The following PPFIA2 variants were observed in gnomAD, a reference collection of about 807,000 sequenced individuals.
PPFIA2 encodes liprin-alpha-2.
PPFIA2 carries 46 observed loss-of-function variants against 175.5 expected under a neutral mutation model. The ratio of observed to expected loss-of-function variants is 0.26; its 90% CI spans 0.21 to 0.34. The LOEUF (loss-of-function observed/expected upper bound fraction) is 0.34, where lower values mean the gene tolerates loss of function less well. Ranked by LOEUF, PPFIA2 falls within the 10% of genes least tolerant of loss-of-function variation. The pLI, the probability that PPFIA2 is intolerant of heterozygous loss-of-function variation, is 1.00. For missense variants in PPFIA2, 1,179 were observed against 1,506.1 expected (o/e 0.78, Z 3.60); for synonymous variants, 568 against 511.4 (o/e 1.11, Z -1.49).
chr12:81,529,918 TGG>T (rs1567203927), intron 4 of PPFIA2, among the ~76,000 whole-genome samples: 1 of 151,686 alleles, frequency 6.6e-6, no homozygotes, highest in Non-Finnish European at 1.5e-5. Flanking sequence ...AAAAAAACCA[TGG>T]CACAAGTTTA....
intron 8 of PPFIA2, among the ~76,000 whole-genome samples, chr12:81,402,084 C>T (rs187196108): frequency 7.2e-5 from 11 of 152,224 alleles, no homozygotes; most frequent in Admixed American, 2.6e-4. Context: ...TCCACCGACA[C>T]AAAACATCTT....
intron 3 of PPFIA2, among the ~76,000 whole-genome samples, chr12:81,685,088 A>G (rs1408869533): frequency 2.6e-5 from 4 of 152,102 alleles, no homozygotes; most frequent in African/African-American, 9.7e-5. Flanking sequence ...ATTTTTATGT[A>G]ACATCTCATA....
At chr12:81,346,538 A>T (rs1463209520) in intron 18 of PPFIA2, among the ~76,000 whole-genome samples, 1 of 149,864 alleles carries the variant, frequency 6.7e-6, no homozygotes, top group Non-Finnish European at 1.5e-5. Flanking sequence ...TTATAATAAA[A>T]TTTTTTAGAA....
At chr12:81,324,322 A>G (rs1250334550) in intron 22 of PPFIA2, among the ~76,000 whole-genome samples, 2 of 152,054 alleles carry the variant, frequency 1.3e-5, no homozygotes, top group Non-Finnish European at 2.9e-5. Context: ...ATTTAAAAAG[A>G]TATTTCAGTT....
At chr12:81,412,242 A>C (rs2044098012) in intron 7 of PPFIA2, among the ~76,000 whole-genome samples, 1 of 150,856 alleles carries the variant, frequency 6.6e-6, no homozygotes, top group African/African-American at 2.4e-5. Flanking sequence ...TTCAACAAAT[A>C]TTCATTTGAT....
chr12:81,600,673 A>G (rs1471431960), intron 4 of PPFIA2, among the ~76,000 whole-genome samples: 2 of 151,974 alleles, frequency 1.3e-5, no homozygotes, highest in East Asian at 1.9e-4. Context: ...AGCTGTGGAA[A>G]TAAGTTATAT....
At chr12:81,501,663 T>A (rs1006294391) in intron 4 of PPFIA2, among the ~76,000 whole-genome samples, 1 of 152,236 alleles carries the variant, frequency 6.6e-6, no homozygotes, top group African/African-American at 2.4e-5. Flanking sequence ...TACCCAATAA[T>A]GCTAGCCAGC....
At chr12:81,711,569 T>C (rs1234144334) in intron 3 of PPFIA2, among the ~76,000 whole-genome samples, 1 of 151,452 alleles carries the variant, frequency 6.6e-6, no homozygotes, top group Admixed American at 6.7e-5. Flanking sequence ...TAATAACACC[T>C]GTATACCTGG....
chr12:81,704,157 G>T (rs2076826498), intron 3 of PPFIA2, among the ~76,000 whole-genome samples: 1 of 152,124 alleles, frequency 6.6e-6, no homozygotes, highest in South Asian at 2.1e-4. Context: ...ATGAACTCAA[G>T]AATGAAAGAG....
chr12:81,698,554 G>A (rs1304181255), intron 3 of PPFIA2, among the ~76,000 whole-genome samples: 1 of 152,106 alleles, frequency 6.6e-6, no homozygotes, highest in Admixed American at 6.6e-5. Flanking sequence ...GAACTTAAGA[G>A]AAGAATGGTT....
intron 27 of PPFIA2, 114 bp from the exon 28 acceptor site, chr12:81,277,528 A>C (rs886136262): frequency 9.3e-7 from 1 of 1,069,896 alleles, no homozygotes; most frequent in Non-Finnish European, 1.2e-6. Flanking sequence ...CAACAAGTTA[A>C]TAAATTACAT....
chr12:81,634,369 G>GA (rs759519636), intron 4 of PPFIA2, among the ~76,000 whole-genome samples: 17 of 151,796 alleles, frequency 1.1e-4, no homozygotes, highest in South Asian at 2.1e-4. Context: ...TTTGTGGAAT[G>GA]AAAAAAAATG....
chr12:81,670,594 A>G (rs2071219849), intron 4 of PPFIA2, among the ~76,000 whole-genome samples: 1 of 151,910 alleles, frequency 6.6e-6, no homozygotes, highest in African/African-American at 2.4e-5. Flanking sequence ...GCTTCCTCTG[A>G]CTTCCTGCAT....
At chr12:81,659,533 G>C (rs1015290758) in intron 4 of PPFIA2, among the ~76,000 whole-genome samples, 3 of 152,204 alleles carry the variant, frequency 2.0e-5, no homozygotes, top group African/African-American at 7.2e-5. Flanking sequence ...GCTGAGGCTT[G>C]AAGAGGTAAA....
chr12:81,732,035 A>G (rs765094824), intron 3 of PPFIA2, among the ~76,000 whole-genome samples: 1 of 151,616 alleles, frequency 6.6e-6, no homozygotes, highest in East Asian at 1.9e-4. Flanking sequence ...GATATGAGAA[A>G]CACATGTGAA....
intron 7 of PPFIA2, among the ~76,000 whole-genome samples, chr12:81,422,098 GTGTGTATATATA>G (rs1420133015): frequency 1.5e-4 from 22 of 146,514 alleles, no homozygotes; most frequent in Admixed American, 3.5e-4. Context: ...GTATATATAT[GTGTGTATATATA>G]TGTGTATATA....
Position 81,294,895 on chromosome 12 carries a change from T to C in PPFIA2, c.2865A>G (p.Arg955=). Residue 955 remains arginine (R), a synonymous_variant, in exon 24 of 33, where the codon CGA becomes CGG. Transcript: ENST00000549396. ...ISNPLHRLKL[R]LAIQEMVSLT... ...GGGAAACCATCTCCTGGATTGCTAATCGAAGTTTTAAGCGATGCAGTGGAT... is the reference window on the plus strand; with the variant it reads ...GGGAAACCATCTCCTGGATTGCTAACCGAAGTTTTAAGCGATGCAGTGGAT... The C allele has an allele frequency of 6.2e-7, 1 of 1,613,566 alleles. No individual in the cohort carries two copies. The highest frequency in any genetic ancestry group is 8.5e-7 in the Non-Finnish European group (1 of 1,179,716).
intron 22 of PPFIA2, among the ~76,000 whole-genome samples, chr12:81,301,981 G>A (rs1234195182): frequency 6.6e-6 from 1 of 152,092 alleles, no homozygotes; most frequent in African/African-American, 2.4e-5. Context: ...TGTAAGCTCA[G>A]GGAGGATCTG....
intron 4 of PPFIA2, among the ~76,000 whole-genome samples, chr12:81,518,475 T>C (rs973520075): frequency 6.6e-6 from 1 of 152,176 alleles, no homozygotes; most frequent in Non-Finnish European, 1.5e-5. Context: ...TCCTCCACGC[T>C]TTCTCATGTT....
Sources: gnomAD v4.1 joint callset for allele counts (sites outside exome capture counted in the v4.1 genomes callset) on GRCh38, gnomAD v4.1.1 for gene constraint, MANE v1.5 for transcripts, NCBI Gene and HGNC (gene_info 2026-07-23, HGNC 2026-07-21) for gene names.